CSMD3: variants seen among roughly 807,000 people sequenced by gnomAD.
The protein encoded by CSMD3 is CUB and sushi domain-containing protein 3.
In CSMD3, 177 loss-of-function variants were observed where a neutral mutation model predicts 435.2. The observed-to-expected ratio is 0.41, with a 90% CI of 0.36 to 0.46. CSMD3 has a LOEUF of 0.46. Ranked by LOEUF, CSMD3 falls within the 20% of genes least tolerant of loss-of-function variation. The pLI is 0.34. For synonymous variants in CSMD3, 1,656 were observed against 1,520.5 expected (o/e 1.09, Z -2.07); for missense variants, 4,265 against 4,504.6 (o/e 0.95, Z 1.52).
chr8:112,572,214 A>G (rs1829588250), intron 24 of CSMD3, among the ~76,000 whole-genome samples: 1 of 152,022 alleles, frequency 6.6e-6, no homozygotes, highest in Admixed American at 6.6e-5. Context: ...ATTTGTCTGG[A>G]CTATTATTTT....
chr8:113,359,466 C>A (rs1044416961), intron 1 of CSMD3, among the ~76,000 whole-genome samples: 5 of 152,156 alleles, frequency 3.3e-5, no homozygotes, highest in Non-Finnish European at 7.3e-5. Flanking sequence ...AGAGCGGGGG[C>A]AAATTCTGGG....
intron 36 of CSMD3, among the ~76,000 whole-genome samples, chr8:112,386,856 G>C (rs993978930): frequency 6.6e-6 from 1 of 152,164 alleles, no homozygotes. Flanking sequence ...CTTTGCGTTA[G>C]ATATAGTTGT....
intron 24 of CSMD3, 133 bp downstream of exon 24, chr8:112,573,368 A>C (rs1315110002): frequency 4.7e-6 from 4 of 847,996 alleles, no homozygotes; most frequent in Non-Finnish European, 7.8e-6. Flanking sequence ...GGGTCAAATA[A>C]AATTATATAT....
At chr8:113,405,479 A>G (rs998065287) in intron 1 of CSMD3, among the ~76,000 whole-genome samples, 1 of 151,730 alleles carries the variant, frequency 6.6e-6, no homozygotes, top group African/African-American at 2.4e-5. Context: ...AATAAGTGAA[A>G]TAAGGGAGGG....
At chr8:112,339,933 A>AG (rs1471149866) in intron 42 of CSMD3, among the ~76,000 whole-genome samples, 3 of 152,202 alleles carry the variant, frequency 2.0e-5, no homozygotes, top group Non-Finnish European at 4.4e-5. Context: ...ATAATACGTC[A>AG]GTAACAGTGA....
chr8:113,387,587 G>A (rs2094444630), intron 1 of CSMD3, among the ~76,000 whole-genome samples: 1 of 151,514 alleles, frequency 6.6e-6, no homozygotes, highest in Non-Finnish European at 1.5e-5. Context: ...GGTTGGAGAG[G>A]ACCTCAAAAT....
chr8:112,854,398 C>A (rs1241993646), intron 11 of CSMD3, among the ~76,000 whole-genome samples: 1 of 151,998 alleles, frequency 6.6e-6, no homozygotes, highest in East Asian at 1.9e-4. Context: ...GGGGAGAGGG[C>A]AAGGGGTTGC....
At chr8:113,424,775 A>G (rs138786874) in intron 1 of CSMD3, among the ~76,000 whole-genome samples, 42 of 151,678 alleles carry the variant, frequency 2.8e-4, no homozygotes, top group African/African-American at 1.0e-3. Context: ...ACATTAGGTT[A>G]AATTGCAAAA....
At chr8:112,625,289 ACATTACATCAAGT>A (rs1159896193) in intron 22 of CSMD3, among the ~76,000 whole-genome samples, 3 of 152,202 alleles carry the variant, frequency 2.0e-5, no homozygotes, top group Middle Eastern at 3.4e-3. Flanking sequence ...TTACACAAGC[ACATTACATCAAGT>A]CATCTCAAAC....
rs1817556772 is a variant in CSMD3, at chr8:112,271,855, T to C, written c.9509-6265A>G. ...TTTAGTGCTATGGTTTTAATATCTC[T>C]TCAAAATTCATGTGCTAATTTAATC... On this transcript the variant is annotated intron_variant, in intron 59 of 70. Coordinates refer to ENST00000297405, the MANE Select transcript of CSMD3 (RefSeq NM_198123.2). Among the ~76,000 whole-genome samples, 4 of 152,258 alleles carry C rather than the reference T, an allele frequency of 2.6e-5. No homozygotes were observed. The South Asian group carries it at 8.3e-4, about 31-fold the overall frequency.
At chr8:112,229,085 A>C (rs1177582658) in intron 69 of CSMD3, among the ~76,000 whole-genome samples, 194 bp from the exon 70 acceptor site, 1 of 152,188 alleles carries the variant, frequency 6.6e-6, no homozygotes, top group East Asian at 1.9e-4. Context: ...ATATTTTTCC[A>C]GGAAAGGGTA....
intron 60 of CSMD3, among the ~76,000 whole-genome samples, chr8:112,264,388 T>G (rs1353747366): frequency 1.3e-5 from 2 of 152,252 alleles, no homozygotes; most frequent in East Asian, 3.9e-4. Flanking sequence ...TTAAATTGTT[T>G]TCAGTTATCT....
intron 7 of CSMD3, among the ~76,000 whole-genome samples, chr8:112,963,272 G>T (rs552126251): frequency 2.6e-5 from 4 of 152,028 alleles, no homozygotes; most frequent in Admixed American, 2.6e-4. Flanking sequence ...GCTACCATAG[G>T]TTACAGCATG....
At chr8:112,420,909 C>A (rs1386375784) in intron 32 of CSMD3, among the ~76,000 whole-genome samples, 1 of 152,042 alleles carries the variant, frequency 6.6e-6, no homozygotes, top group Non-Finnish European at 1.5e-5. Context: ...TCATTGAATT[C>A]TTTAACTCCA....
At chr8:113,343,992 ACAAT>A (rs1010747192) in intron 1 of CSMD3, among the ~76,000 whole-genome samples, 17 of 152,152 alleles carry the variant, frequency 1.1e-4, no homozygotes, top group Non-Finnish European at 2.2e-4. Flanking sequence ...ATATTTAAAA[ACAAT>A]CAAATTATCA....
intron 35 of CSMD3, among the ~76,000 whole-genome samples, chr8:112,405,246 T>TACACACAC (rs1554668938): frequency 9.2e-4 from 75 of 81,490 alleles, no homozygotes; most frequent in African/African-American, 3.7e-3. Flanking sequence ...TATATATATA[T>TACACACAC]ACATATATAT....
chr8:112,848,243 A>G (rs2080384412), intron 11 of CSMD3, among the ~76,000 whole-genome samples: 1 of 152,178 alleles, frequency 6.6e-6, no homozygotes, highest in Non-Finnish European at 1.5e-5. Context: ...GTAGCTCTAG[A>G]GAAAATAATA....
chr8:112,987,132 G>T (rs1258416874), intron 6 of CSMD3, among the ~76,000 whole-genome samples: 1 of 151,904 alleles, frequency 6.6e-6, no homozygotes, highest in Non-Finnish European at 1.5e-5. Context: ...TTGAATTTTT[G>T]ATGACAATAT....
intron 1 of CSMD3, among the ~76,000 whole-genome samples, chr8:113,404,530 G>A (rs2094524136): frequency 6.6e-6 from 1 of 151,334 alleles, no homozygotes; most frequent in African/African-American, 2.4e-5. Flanking sequence ...GTTATATAGA[G>A]AGAGATTATA....
Sources: allele counts gnomAD v4.1 joint callset (sites outside exome capture counted in the v4.1 genomes callset), GRCh38; gene constraint gnomAD v4.1.1; transcripts MANE v1.5; gene names NCBI Gene and HGNC (gene_info 2026-07-23, HGNC 2026-07-21).